The following DNAH9 variants were observed in gnomAD, a reference collection of about 807,000 sequenced individuals.
DNAH9 encodes dynein axonemal heavy chain 9, also known as DNAH9 variant protein.
DNAH9 carries 345 observed loss-of-function variants against 471.6 expected under a neutral mutation model. That is an observed-to-expected ratio of 0.73 (90% CI 0.67 to 0.80). DNAH9 has a LOEUF of 0.80. DNAH9 is among the 30% of genes least tolerant of loss of function. DNAH9 has a pLI of 0.00. For synonymous variants in DNAH9, 2,093 were observed against 2,123.6 expected, an observed-to-expected ratio of 0.99 and a Z score of 0.40; for missense variants, 5,407 against 5,609.2, an observed-to-expected ratio of 0.96 and a Z score of 1.15.
At chr17:11,940,888 G>A (rs984643402) in intron 66 of DNAH9, among the ~76,000 whole-genome samples, 6 of 152,112 alleles carry the variant, frequency 3.9e-5, no homozygotes, top group Admixed American at 6.6e-5. Flanking sequence ...GTATTAACTC[G>A]GTCAGGCCTC....
chr17:11,806,018 C>T (rs1969666998), intron 43 of DNAH9, among the ~76,000 whole-genome samples: 1 of 152,132 alleles, frequency 6.6e-6, no homozygotes, highest in Admixed American at 6.6e-5. Context: ...AGATGTGAGC[C>T]ACCGCTCCCA....
chr17:11,706,936 A>G (rs2074712862), intron 26 of DNAH9, among the ~76,000 whole-genome samples: 1 of 152,206 alleles, frequency 6.6e-6, no homozygotes, highest in African/African-American at 2.4e-5. Context: ...GAGTCAGAAT[A>G]TAAAGTATGA....
intron 61 of DNAH9, among the ~76,000 whole-genome samples, chr17:11,912,379 C>G (rs1973820441): frequency 6.6e-6 from 1 of 152,068 alleles, no homozygotes; most frequent in South Asian, 2.1e-4. Context: ...ACTTCCTTGT[C>G]TTGTTTGTGA....
intron 41 of DNAH9, among the ~76,000 whole-genome samples, chr17:11,786,597 A>G (rs1419789137): frequency 6.6e-6 from 1 of 152,230 alleles, no homozygotes; most frequent in Non-Finnish European, 1.5e-5. Flanking sequence ...TTTAGAGATG[A>G]CAAAACCGAG....
chr17:11,963,725 A>C (rs1976449452), intron 68 of DNAH9, among the ~76,000 whole-genome samples: 1 of 152,226 alleles, frequency 6.6e-6, no homozygotes. Context: ...ATGTTTTATA[A>C]TGCTTACCAT....
At chr17:11,926,035 G>GAAAAAAA (rs71142253) in intron 62 of DNAH9, among the ~76,000 whole-genome samples, 5 of 59,910 alleles carry the variant, frequency 8.3e-5, no homozygotes, top group Admixed American at 2.6e-4. Flanking sequence ...GAGATTCTCT[G>GAAAAAAA]AAAAAAAAAA....
At chr17:11,684,897 A>G (rs970710520) in intron 19 of DNAH9, among the ~76,000 whole-genome samples, 3 of 152,214 alleles carry the variant, frequency 2.0e-5, no homozygotes, top group Non-Finnish European at 4.4e-5. Context: ...ATTTGTCATT[A>G]AACCTCCCAG....
At chr17:11,725,862 A>G (rs1303155114) in intron 27 of DNAH9, among the ~76,000 whole-genome samples, 3 of 151,512 alleles carry the variant, frequency 2.0e-5, no homozygotes, top group Non-Finnish European at 4.4e-5. Flanking sequence ...GCAAGACTCC[A>G]TCTCAAAAAA....
At chr17:11,697,285 A>C (rs2074493645) in intron 22 of DNAH9, among the ~76,000 whole-genome samples, 1 of 152,114 alleles carries the variant, frequency 6.6e-6, no homozygotes, top group Non-Finnish European at 1.5e-5. Context: ...CTGTCATTTC[A>C]CATGTGAGCA....
In DNAH9 at chr17:11,651,049, G is replaced by C. The variant is rs772771740; in HGVS notation, c.2098-20G>C. On this transcript the variant is annotated intron_variant, in intron 12 of 68. Transcript: ENST00000262442. ...CATTATCACTGAACGACAGACACTT[G>C]TGTTGCTTCTTTTCTCCAGCTGATT... 17 of 1,610,098 alleles carry C rather than the reference G, an allele frequency of 1.1e-5. No homozygotes were observed. Among genetic ancestry groups the C allele is most frequent in the Non-Finnish European group, 1.4e-5 (17 of 1,177,428 alleles).
Position 11,947,369 on chromosome 17 carries a change from T to C in DNAH9, c.12843+4884T>C, listed in dbSNP as rs1975165163. On this transcript the variant is annotated intron_variant, in intron 67 of 68. Coordinates refer to ENST00000262442, the MANE Select transcript of DNAH9 (RefSeq NM_001372.4). ...AGACTGCCCAGAAATTATCTCCCTA[T>C]GTAGGAAAACTACAGAAGACAAGTT... Among the ~76,000 whole-genome samples the C allele has an allele frequency of 2.6e-5, 4 of 152,326 alleles. No individual in the cohort carries two copies. In the South Asian group the frequency reaches 8.3e-4, roughly 32 times the overall value.
At chr17:11,657,879 C>T (rs1391229955) in intron 14 of DNAH9, among the ~76,000 whole-genome samples, 1 of 151,686 alleles carries the variant, frequency 6.6e-6, no homozygotes, top group Non-Finnish European at 1.5e-5. Flanking sequence ...TGGAAAATAC[C>T]AATGCCACTT....
Position 11,948,224 on chromosome 17 carries a change from C to CTTTT in DNAH9, c.12843+5759_12843+5762dup, listed in dbSNP as rs1211322234. Among the ~76,000 whole-genome samples the CTTTT allele has an allele frequency of 6.8e-3, 588 of 86,750 alleles. 41 individuals are homozygous for CTTTT. The highest frequency in any genetic ancestry group is 0.029 in the African/African-American group (550 of 19,062). 56.9% of individuals were successfully genotyped at this position (86,750 alleles called of 152,430 possible). A position where few individuals can be genotyped will look rare whatever the true frequency, so the allele number is the denominator to read the frequency against. The stretch of plus-strand genomic sequence containing the variant: ...TGCTGACTGGGGATCTAATCTGGCT[C>CTTTT]TTTTTTTTTTTTTTTTTTTTTTTGA... On this transcript the variant is annotated intron_variant, in intron 67 of 68. Transcript: ENST00000262442.
chr17:11,775,715 C>T (rs1245914825), intron 38 of DNAH9, among the ~76,000 whole-genome samples: 4 of 149,914 alleles, frequency 2.7e-5, no homozygotes. Flanking sequence ...CGCCATTCTC[C>T]TGCCTCAGCC....
At chr17:11,951,919 T>A (rs1464735704) in intron 67 of DNAH9, among the ~76,000 whole-genome samples, 1 of 140,004 alleles carries the variant, frequency 7.1e-6, no homozygotes, top group African/African-American at 2.7e-5. Flanking sequence ...CAAAACTCCA[T>A]CTCAAAAAAA....
chr17:11,820,745 C>CTA (rs1486569405), intron 45 of DNAH9, among the ~76,000 whole-genome samples: 1 of 152,042 alleles, frequency 6.6e-6, no homozygotes, highest in African/African-American at 2.4e-5. Context: ...TTGTATTTTG[C>CTA]TATCATTGCT....
intron 9 of DNAH9, among the ~76,000 whole-genome samples, chr17:11,639,805 C>A (rs897410068): frequency 2.0e-5 from 3 of 151,970 alleles, no homozygotes; most frequent in African/African-American, 7.3e-5. Flanking sequence ...AGTTTGAGAC[C>A]AGCCTGATCA....
At position 11,652,838 on chromosome 17, in the gene DNAH9, G is replaced by A. The variant is rs757478893; in HGVS notation, c.2431G>A (p.Val811Met). Residue 811 changes from valine to methionine, a missense_variant, in exon 14 of 69, where the codon GTG (valine) becomes ATG (methionine). Coordinates refer to ENST00000262442, the MANE Select transcript of DNAH9 (RefSeq NM_001372.4). ...EQRIQKTKDN[V>M]EEIQNIMKTW... Reference sequence around the variant, plus strand: ...AAGAATTCAGAAAACTAAAGACAATGTGGAAGAGATCCAAAACATCATGAA... The same window carrying A: ...AAGAATTCAGAAAACTAAAGACAATATGGAAGAGATCCAAAACATCATGAA... The A allele has an allele frequency of 6.2e-7, 1 of 1,613,834 alleles. No individual in the cohort carries two copies. The highest frequency in any genetic ancestry group is 8.5e-7 in the Non-Finnish European group (1 of 1,179,862).
Position 11,891,863 on chromosome 17 carries a change from C to A in DNAH9, c.11199C>A (p.Ser3733Arg). 1 of 1,614,126 alleles carries A rather than the reference C, an allele frequency of 6.2e-7. No individual in the cohort carries two copies. Among genetic ancestry groups the A allele is most frequent in the Non-Finnish European group, 8.5e-7 (1 of 1,180,028 alleles). Residue 3733 changes from serine (S) to arginine (R), a missense_variant, in exon 58 of 69, where the codon AGC (serine) becomes AGA (arginine). Physicochemically the swap from Ser to Arg is moderately radical, Grantham distance 110. This residue lies in a region of DNAH9 where 4,636 missense variants were observed against 4,900.3 expected (regional missense o/e 0.95). Coordinates refer to ENST00000262442, the MANE Select transcript of DNAH9 (RefSeq NM_001372.4). ...AGCGGGTGGCCAACCTAATAGACAG[C>A]ATAACCTTCTCTGTGTACCAGTACA... ...LRERVANLID[S>R]ITFSVYQYTI...
Sources: gnomAD v4.1 joint callset for allele counts (sites outside exome capture counted in the v4.1 genomes callset) on GRCh38, gnomAD v4.1.1 for gene constraint, gnomAD v4.1.1 regional missense constraint, MANE v1.5 for transcripts, NCBI Gene and HGNC (gene_info 2026-07-23, HGNC 2026-07-21) for gene names.